CCDC171: variants seen among roughly 807,000 people sequenced by gnomAD.
CCDC171 encodes the protein coiled-coil domain containing 171.
A neutral mutation model predicts 168.2 loss-of-function variants in CCDC171; 177 were observed. That is an observed-to-expected ratio of 1.05 (90% CI 0.93 to 1.19). The LOEUF is 1.19. Among genes scored for constraint, CCDC171 ranks in the 50% most tolerant of loss-of-function variants. The probability of loss-of-function intolerance (pLI) is 0.00; values close to 1 mark genes in which losing one functional copy is unlikely to be tolerated. For synonymous variants in CCDC171, 687 were observed against 540.8 expected, an observed-to-expected ratio of 1.27 and a Z score of -3.75; for missense variants, 1,991 against 1,539.0, an observed-to-expected ratio of 1.29 and a Z score of -4.91.
At chr9:16,057,740 A>C (rs1833864311) in intron 1 of CCDC171, among the ~76,000 whole-genome samples, 1 of 152,064 alleles carries the variant, frequency 6.6e-6, no homozygotes, top group African/African-American at 2.4e-5. Flanking sequence ...CCGTGATTCC[A>C]CATCCAGCAG....
In CCDC171 at chr9:15,973,592, C is replaced by A. The variant is rs918640283; in HGVS notation, c.*1756C>A. 6.6e-6 allele frequency: 1 copy of A among 152,064 alleles called. No homozygotes were observed. Among genetic ancestry groups the A allele is most frequent in the Non-Finnish European group, 1.5e-5 (1 of 67,994 alleles). The allele number at this position is 152,064 out of a possible 1,614,324, so 9.4% of individuals were successfully genotyped here. A position where few individuals can be genotyped will look rare whatever the true frequency, so the allele number is the denominator to read the frequency against. On this transcript the variant is annotated 3_prime_UTR_variant, in exon 26 of 26. Transcript: ENST00000380701. Reference sequence around the variant, plus strand: ...ATCTTTAACCAAATTTCTCTTAATTCTTTCCTTGGAATTATTTTTAATATG... The same window carrying A: ...ATCTTTAACCAAATTTCTCTTAATTATTTCCTTGGAATTATTTTTAATATG...
intron 23 of CCDC171, among the ~76,000 whole-genome samples, chr9:15,851,425 C>G (rs2061121861): frequency 2.6e-5 from 1 of 38,252 alleles, no homozygotes; most frequent in Non-Finnish European, 5.1e-5. Context: ...TTAAAAGACA[C>G]TCTTTTGGGG....
downstream of CCDC171, among the ~76,000 whole-genome samples, chr9:16,061,962 A>G (rs9886829): frequency 0.13 from 19,681 of 152,204 alleles, 1,578 homozygotes; most frequent in Admixed American, 0.21. Context: ...AATTCAAGTT[A>G]CCAACAGTTT....
chr9:16,081,123 C>T, the CCDC171 span, among the ~76,000 whole-genome samples: 11 of 152,160 alleles, frequency 7.2e-5, no homozygotes, highest in Admixed American at 2.0e-4. Context: ...CCATCAGAGC[C>T]AACATTCTTC....
chr9:16,017,608 GT>G (rs1833058633), intron 3 of CCDC171, among the ~76,000 whole-genome samples: 1 of 152,038 alleles, frequency 6.6e-6, no homozygotes, highest in Non-Finnish European at 1.5e-5. Flanking sequence ...TACTTAATTT[GT>G]TTTTCAACTT....
At chr9:15,868,798 C>G (rs1327490113) in intron 23 of CCDC171, among the ~76,000 whole-genome samples, 1 of 151,970 alleles carries the variant, frequency 6.6e-6, no homozygotes, top group Non-Finnish European at 1.5e-5. Flanking sequence ...ATGGCAATAA[C>G]TATTTCACAA....
At chr9:15,867,295 A>C (rs1478181103) in intron 23 of CCDC171, among the ~76,000 whole-genome samples, 1 of 151,994 alleles carries the variant, frequency 6.6e-6, no homozygotes, top group African/African-American at 2.4e-5. Context: ...CAGAGTAAAT[A>C]ATAATATATA....
At chr9:15,845,081 A>AT (rs1161833272) in intron 21 of CCDC171, among the ~76,000 whole-genome samples, 1 of 152,090 alleles carries the variant, frequency 6.6e-6, no homozygotes, top group Non-Finnish European at 1.5e-5. Context: ...TGAAAAATTG[A>AT]TTTTTTTGTT....
chr9:15,771,474 A>G (rs571075971), intron 18 of CCDC171, among the ~76,000 whole-genome samples: 69 of 152,230 alleles, frequency 4.5e-4, no homozygotes, highest in African/African-American at 1.6e-3. Flanking sequence ...AAGCCCATTC[A>G]TATTCTACAA....
chr9:15,885,436 A>C (rs978863638), intron 24 of CCDC171: 6 of 152,162 alleles, frequency 3.9e-5, no homozygotes, highest in African/African-American at 1.4e-4. Context: ...ATATCTTTTA[A>C]TACTTATTAT....
At chr9:15,625,334 G>C (rs1038342112) in intron 7 of CCDC171, among the ~76,000 whole-genome samples, 2 of 152,158 alleles carry the variant, frequency 1.3e-5, no homozygotes, top group African/African-American at 2.4e-5. Flanking sequence ...GATCTCATTT[G>C]TCAATTTTGG....
chr9:15,846,851 A>G lies in CCDC171; in HGVS notation c.3413+4A>G, dbSNP rs1365792290. 2.4e-5 allele frequency: 38 copies of G among 1,601,510 alleles called. No individual in the cohort carries two copies. The highest frequency in any genetic ancestry group is 3.0e-5 in the Non-Finnish European group (35 of 1,173,168). Reference sequence around the variant, plus strand: ...GTGCCCTCCGCATGGCAGCCAAGTGAGCATTTGGACCTTGGGGAGATCACT... The same window carrying G: ...GTGCCCTCCGCATGGCAGCCAAGTGGGCATTTGGACCTTGGGGAGATCACT... On this transcript the variant is annotated splice_donor_region_variant and intron_variant, in intron 22 of 25. Coordinates refer to ENST00000380701, the MANE Select transcript of CCDC171 (RefSeq NM_173550.4).
At chr9:15,871,132 T>C (rs1224924595) in intron 23 of CCDC171, among the ~76,000 whole-genome samples, 1 of 151,590 alleles carries the variant, frequency 6.6e-6, no homozygotes, top group Non-Finnish European at 1.5e-5. Context: ...AGAAGTAATA[T>C]AGGTTTTAAA....
At chr9:15,754,555 T>G (rs2055975707) in intron 18 of CCDC171, among the ~76,000 whole-genome samples, 1 of 152,120 alleles carries the variant, frequency 6.6e-6, no homozygotes, top group Admixed American at 6.6e-5. Context: ...TTATACATTT[T>G]CAGGCTACTA....
At position 15,809,550 on chromosome 9, in the gene CCDC171, T is replaced by C. The variant is rs551640135; in HGVS notation, c.3267+24856T>C. ...CTGGTGGGTTCGTGGTCTCGCTGAC[T>C]TCAGGAGTGGAGCTGCAGACTTTCG... On this transcript the variant is annotated intron_variant, in intron 21 of 25. Transcript: ENST00000380701. Among the ~76,000 whole-genome samples the C allele has an allele frequency of 1.5e-4, 23 of 152,242 alleles. No individual in the cohort carries two copies. The South Asian group carries it at 2.5e-3, about 16-fold the overall frequency.
chr9:15,621,493 G>C (rs2044500755), intron 6 of CCDC171, among the ~76,000 whole-genome samples: 1 of 152,074 alleles, frequency 6.6e-6, no homozygotes, highest in Admixed American at 6.6e-5. Context: ...TTACCTGAAG[G>C]AAGTAATTAT....
At chr9:15,838,609 A>G (rs2060548437) in intron 21 of CCDC171, among the ~76,000 whole-genome samples, 1 of 152,196 alleles carries the variant, frequency 6.6e-6, no homozygotes, top group Admixed American at 6.5e-5. Flanking sequence ...TTGGGAGTCC[A>G]CTAATTCAAG....
In CCDC171 at chr9:15,952,482, C is replaced by T. The variant is rs148423361; in HGVS notation, c.3754-19127C>T. Among the ~76,000 whole-genome samples the T allele has an allele frequency of 5.9e-4, 90 of 152,258 alleles. 1 individual carries two copies. In the East Asian group the frequency reaches 0.012, roughly 21 times the overall value. ...GCGTGATCTCAGCTCACTGCAACCT[C>T]GGTCTGCTGGGTTCAAGTGATTCTC... On this transcript the variant is annotated intron_variant, in intron 25 of 25. Coordinates refer to ENST00000380701, the MANE Select transcript of CCDC171 (RefSeq NM_173550.4).
In CCDC171 at chr9:15,663,817, A is replaced by G. The variant is rs182282790; in HGVS notation, c.916-2346A>G. ...GAGATGGGGTTTCACCGTGTTAGCC[A>G]GGATGGTCTCGATCTCCTAACCTCA... On this transcript the variant is annotated intron_variant, in intron 8 of 25. Transcript: ENST00000380701. Among the ~76,000 whole-genome samples the G allele has an allele frequency of 6.8e-3, 1,036 of 152,194 alleles. 7 individuals are homozygous for G. The highest frequency in any genetic ancestry group is 0.024 in the African/African-American group (1,003 of 41,534).
Sources: gnomAD v4.1 joint callset for allele counts (sites outside exome capture counted in the v4.1 genomes callset) on GRCh38, gnomAD v4.1.1 for gene constraint, MANE v1.5 for transcripts, NCBI Gene and HGNC (gene_info 2026-07-23, HGNC 2026-07-21) for gene names.